Variants in PRKN observed in about 807,000 individuals in gnomAD.
PRKN encodes the protein E3 ubiquitin-protein ligase parkin.
Under a neutral mutation model 59.5 loss-of-function variants are expected in PRKN, and 56 were observed. The ratio of observed to expected loss-of-function variants is 0.94; its 90% confidence interval spans 0.76 to 1.18. PRKN has a LOEUF of 1.18. Ranked by LOEUF, PRKN falls within the 50% of genes most tolerant of loss-of-function variation. The pLI is 0.00. For missense variants in PRKN, 657 were observed against 596.4 expected, an observed-to-expected ratio of 1.10 and a Z score of -1.06; for synonymous variants, 250 against 222.1, an observed-to-expected ratio of 1.13 and a Z score of -1.12.
At chr6:162,393,155 C>CTTTGTTTTTTTTTTTT (rs1787290639) in intron 2 of PRKN, among the ~76,000 whole-genome samples, 1 of 80,190 alleles carries the variant, frequency 1.2e-5, no homozygotes, top group Non-Finnish European at 2.3e-5. Flanking sequence ...ATAGGAGATT[C>CTTTGTTTTTTTTTTTT]TTTTTTTTTT....
At chr6:162,313,587 A>G (rs561744470) in intron 2 of PRKN, among the ~76,000 whole-genome samples, 3 of 152,106 alleles carry the variant, frequency 2.0e-5, no homozygotes, top group Non-Finnish European at 4.4e-5. Flanking sequence ...TCCCGGGTTC[A>G]AGCAATTCTC....
chr6:161,605,138 T>C (rs1410967513), intron 7 of PRKN, among the ~76,000 whole-genome samples: 1 of 152,232 alleles, frequency 6.6e-6, no homozygotes, highest in Non-Finnish European at 1.5e-5. Flanking sequence ...TTCTGCATTC[T>C]CACAGTATTT....
chr6:161,943,926 A>G (rs1779669066), intron 6 of PRKN, among the ~76,000 whole-genome samples: 2 of 144,408 alleles, frequency 1.4e-5, no homozygotes, highest in African/African-American at 5.3e-5. Flanking sequence ...GCCTTGAGGA[A>G]GCAGCCTGAG....
intron 7 of PRKN, among the ~76,000 whole-genome samples, chr6:161,763,740 AT>A (rs1475192588): frequency 6.6e-6 from 1 of 151,936 alleles, no homozygotes; most frequent in African/African-American, 2.4e-5. Flanking sequence ...TGAAAGTTAA[AT>A]TTTTGTCATG....
In PRKN at chr6:161,463,765, CTTTGGAAGTATAATCTTTA is replaced by C. The variant is rs1211300383; in HGVS notation, c.1084-76907_1084-76889del. Reference sequence around the variant, plus strand: ...CACAGTGGTAAAGATCAAGTGTCCACTTTGGAAGTATAATCTTTATCTAGTGATCACTTTTCCAACATTT... The same window carrying C: ...CACAGTGGTAAAGATCAAGTGTCCACTCTAGTGATCACTTTTCCAACATTT... On this transcript the variant is annotated intron_variant, in intron 9 of 11. Transcript: ENST00000366898. The surrounding 1 kb of genome is among the most constrained non-coding windows in gnomAD (Gnocchi z 4.8). 1.3e-5 allele frequency among the ~76,000 whole-genome samples: 2 copies of C among 152,158 alleles called. No homozygotes were observed. The highest frequency in any genetic ancestry group is 2.9e-5 in the Non-Finnish European group (2 of 68,030).
At chr6:162,313,430 T>G (rs1398025004) in intron 2 of PRKN, among the ~76,000 whole-genome samples, 2 of 152,138 alleles carry the variant, frequency 1.3e-5, no homozygotes, top group East Asian at 3.8e-4. Context: ...CAGGATTTCA[T>G]GCGTTTTCAA....
intron 9 of PRKN, among the ~76,000 whole-genome samples, chr6:161,507,806 A>T (rs1756077655): frequency 1.3e-5 from 2 of 152,196 alleles, no homozygotes; most frequent in Admixed American, 1.3e-4. Context: ...CTATATTTTC[A>T]TAACGGGTTT....
chr6:161,620,449 C>A (rs13194597), intron 7 of PRKN, among the ~76,000 whole-genome samples: 5,057 of 152,232 alleles, frequency 0.033, 143 homozygotes, highest in Admixed American at 0.052. Flanking sequence ...TCGACCTGAA[C>A]CTTGGTAGTT....
chr6:162,064,492 A>C (rs1419456129), intron 4 of PRKN, among the ~76,000 whole-genome samples: 1 of 152,192 alleles, frequency 6.6e-6, no homozygotes, highest in Non-Finnish European at 1.5e-5. Flanking sequence ...TTTCTGTTAT[A>C]AGATAATCCA....
intron 2 of PRKN, among the ~76,000 whole-genome samples, chr6:162,322,093 T>C (rs533533498): frequency 2.5e-4 from 29 of 115,292 alleles, no homozygotes; most frequent in Non-Finnish European, 4.6e-4. Context: ...GAAATTTCTA[T>C]AGAATCTAAA....
chr6:161,905,170 A>G (rs1415944854), intron 6 of PRKN, among the ~76,000 whole-genome samples: 2 of 152,064 alleles, frequency 1.3e-5, no homozygotes, highest in African/African-American at 4.8e-5. Flanking sequence ...GATTTGTTAC[A>G]TTTACGTTTT....
Position 161,664,212 on chromosome 6 carries a change from C to T in PRKN, c.872-94796G>A, listed in dbSNP as rs117129213. Reference sequence around the variant, plus strand: ...GCTGTGAGGAGTCCGCCAGAAATGCCAACAGACGAGCACTTTTCAGGGAAA... The same window carrying T: ...GCTGTGAGGAGTCCGCCAGAAATGCTAACAGACGAGCACTTTTCAGGGAAA... On this transcript the variant is annotated intron_variant, in intron 7 of 11. Transcript: ENST00000366898. Among the ~76,000 whole-genome samples the T allele has an allele frequency of 2.8e-3, 433 of 152,272 alleles. 1 individual carries two copies. The highest frequency in any genetic ancestry group is 4.2e-3 in the Non-Finnish European group (289 of 68,028).
chr6:162,279,359 A>G (rs1166751013), intron 2 of PRKN, among the ~76,000 whole-genome samples: 4 of 150,962 alleles, frequency 2.6e-5, no homozygotes, highest in African/African-American at 4.9e-5. Context: ...GAAAGAAAGA[A>G]AGAGAGAGAG....
rs558358389 is a variant in PRKN at position 162,513,810 on chromosome 6, T to C, written c.8-70337A>G. Among the ~76,000 whole-genome samples, 23 of 152,124 alleles carry C rather than the reference T, an allele frequency of 1.5e-4. No individual in the cohort carries two copies. In the East Asian group the frequency reaches 4.1e-3, roughly 27 times the overall value. ...GGCTCATGCCTGTAATCCCAGCACT[T>C]TGGGAGGCTGAGGCAGGTGGACCAC... On this transcript the variant is annotated intron_variant, in intron 1 of 11. Transcript: ENST00000366898.
intron 3 of PRKN, among the ~76,000 whole-genome samples, chr6:162,226,283 G>C (rs9365389): frequency 0.48 from 72,535 of 151,772 alleles, 19,955 homozygotes; most frequent in East Asian, 0.88. Flanking sequence ...GAGAGAGAGA[G>C]AGAGACACGC....
intron 9 of PRKN, among the ~76,000 whole-genome samples, chr6:161,392,895 T>C (rs562583858): frequency 6.6e-6 from 1 of 152,300 alleles, no homozygotes; most frequent in African/African-American, 2.4e-5. Context: ...TGTTGAGTAT[T>C]TACTTTTAGG....
chr6:162,323,218 A>T (rs1451106271), intron 2 of PRKN, among the ~76,000 whole-genome samples: 1 of 151,820 alleles, frequency 6.6e-6, no homozygotes, highest in East Asian at 1.9e-4. Context: ...CCTAAAACTT[A>T]AAGTATAATA....
chr6:162,593,301 T>C (rs1019782838), intron 1 of PRKN, among the ~76,000 whole-genome samples: 1 of 152,188 alleles, frequency 6.6e-6, no homozygotes, highest in Non-Finnish European at 1.5e-5. Context: ...CACTAATCAA[T>C]GACAGGTGAA....
chr6:162,223,330 G>A (rs1288230846), intron 3 of PRKN, among the ~76,000 whole-genome samples: 1 of 151,936 alleles, frequency 6.6e-6, no homozygotes, highest in Non-Finnish European at 1.5e-5. Context: ...GGCACTTTAA[G>A]AATTTCATGT....
Sources: gnomAD v4.1 joint callset for allele counts (sites outside exome capture counted in the v4.1 genomes callset) on GRCh38, gnomAD v4.1.1 for gene constraint, Gnocchi (gnomAD v3.1) non-coding constraint, MANE v1.5 for transcripts, NCBI Gene and HGNC (gene_info 2026-07-23, HGNC 2026-07-21) for gene names.